The following PDE3A variants were observed in gnomAD, a reference collection of about 807,000 sequenced individuals.
The protein encoded by PDE3A is cGMP-inhibited 3',5'-cyclic phosphodiesterase 3A.
PDE3A carries 43 observed loss-of-function variants against 98.3 expected under a neutral mutation model. The ratio of observed to expected loss-of-function variants is 0.44; its 90% CI spans 0.34 to 0.56. The LOEUF is 0.56. Among genes scored for constraint, PDE3A ranks in the 20% least tolerant of loss-of-function variants. The pLI is 0.01. For missense variants in PDE3A, 1,427 were observed against 1,440.7 expected (o/e 0.99, Z 0.15); for synonymous variants, 663 against 567.9 (o/e 1.17, Z -2.38).
chr12:20,388,972 G>A (rs1048796936), intron 1 of PDE3A, among the ~76,000 whole-genome samples: 1 of 151,956 alleles, frequency 6.6e-6, no homozygotes, highest in Non-Finnish European at 1.5e-5. Flanking sequence ...ATAAATTTGA[G>A]AATATTAAAA....
chr12:20,533,076 G>A (rs1941652720), intron 1 of PDE3A, among the ~76,000 whole-genome samples: 1 of 152,166 alleles, frequency 6.6e-6, no homozygotes, highest in Non-Finnish European at 1.5e-5. Context: ...AATTATGGTA[G>A]TAATAATAAT....
chr12:20,440,974 C>T (rs1466251906), intron 1 of PDE3A, among the ~76,000 whole-genome samples: 1 of 152,198 alleles, frequency 6.6e-6, no homozygotes, highest in Non-Finnish European at 1.5e-5. Context: ...ATGAATAAAA[C>T]ATTATGTATC....
chr12:20,674,918 CTTTTTAAA>C lies in PDE3A; in HGVS notation c.3185-5105_3185-5098del, dbSNP rs377370920. Among the ~76,000 whole-genome samples, 16 of 151,848 alleles carry C rather than the reference CTTTTTAAA, an allele frequency of 1.1e-4. No homozygotes were observed. The East Asian group carries it at 3.1e-3, about 29-fold the overall frequency. ...ACTTTTGTTTCCTTGACACATTGTA[CTTTTTAAA>C]TTTTTATTTTATTTAGTTCTCTTAT... On this transcript the variant is annotated intron_variant, in intron 15 of 15. Transcript: ENST00000359062.
chr12:20,609,183 C>T (rs142751341), intron 2 of PDE3A, among the ~76,000 whole-genome samples: 20 of 152,012 alleles, frequency 1.3e-4, no homozygotes, highest in East Asian at 7.7e-4. Context: ...CAATTCTACA[C>T]GCACAAAAAT....
chr12:20,667,574 G>C (rs959671284), intron 15 of PDE3A, among the ~76,000 whole-genome samples: 1 of 152,096 alleles, frequency 6.6e-6, no homozygotes. Flanking sequence ...TCATAAATCA[G>C]TTGGCTATAA....
intron 1 of PDE3A, among the ~76,000 whole-genome samples, chr12:20,527,194 G>A (rs1946540582): frequency 6.6e-6 from 1 of 151,994 alleles, no homozygotes; most frequent in South Asian, 2.1e-4. Context: ...GAGCCACTGT[G>A]CCCGGCCGTG....
chr12:20,580,843 G>A (rs77734533), intron 2 of PDE3A, among the ~76,000 whole-genome samples: 16,689 of 152,190 alleles, frequency 0.11, 1,282 homozygotes, highest in East Asian at 0.26. Flanking sequence ...ATATGCAAGC[G>A]TTTCCTAGAA....
At chr12:20,438,926 G>A (rs1030424596) in intron 1 of PDE3A, among the ~76,000 whole-genome samples, 1 of 151,960 alleles carries the variant, frequency 6.6e-6, no homozygotes, top group Middle Eastern at 3.4e-3. Context: ...TGAGTAGCTG[G>A]GACTATAGGC....
intron 2 of PDE3A, among the ~76,000 whole-genome samples, chr12:20,587,575 A>T (rs909157179): frequency 1.3e-5 from 2 of 152,212 alleles, no homozygotes; most frequent in African/African-American, 4.8e-5. Context: ...TCAGAAAAAT[A>T]TATTTTTTAT....
At chr12:20,395,440 G>A (rs1056118875) in intron 1 of PDE3A, among the ~76,000 whole-genome samples, 2 of 148,628 alleles carry the variant, frequency 1.3e-5, no homozygotes, top group African/African-American at 5.0e-5. Context: ...ATGAAGAGCT[G>A]TAGTATTTAC....
chr12:20,625,006 C>A (rs1446850586), intron 5 of PDE3A, among the ~76,000 whole-genome samples: 1 of 152,042 alleles, frequency 6.6e-6, no homozygotes, highest in African/African-American at 2.4e-5. Context: ...GGCAATGAGG[C>A]GGAGGGAAAG....
At chr12:20,591,762 G>A (rs1943344236) in intron 2 of PDE3A, among the ~76,000 whole-genome samples, 1 of 152,190 alleles carries the variant, frequency 6.6e-6, no homozygotes, top group Non-Finnish European at 1.5e-5. Context: ...CTTATCTCAT[G>A]AGAGGCTGAT....
intron 1 of PDE3A, among the ~76,000 whole-genome samples, chr12:20,512,503 A>G (rs768558828): frequency 6.6e-5 from 10 of 152,112 alleles, no homozygotes; most frequent in Admixed American, 5.9e-4. Context: ...TGTTGCTTTC[A>G]TATCTTTCAG....
chr12:20,559,074 A>G (rs1942445567), intron 2 of PDE3A, among the ~76,000 whole-genome samples: 1 of 152,222 alleles, frequency 6.6e-6, no homozygotes, highest in Admixed American at 6.5e-5. Context: ...CATTACATAC[A>G]GTATGTGGTG....
At chr12:20,429,624 G>C (rs994693832) in intron 1 of PDE3A, among the ~76,000 whole-genome samples, 2 of 152,180 alleles carry the variant, frequency 1.3e-5, no homozygotes, top group African/African-American at 4.8e-5. Flanking sequence ...CTTTAACTTA[G>C]AAGGTAGATA....
At chr12:20,522,039 G>A (rs1293038636) in intron 1 of PDE3A, among the ~76,000 whole-genome samples, 1 of 152,120 alleles carries the variant, frequency 6.6e-6, no homozygotes, top group Non-Finnish European at 1.5e-5. Flanking sequence ...CCATGGGATG[G>A]GATGGGGTTT....
At chr12:20,489,433 T>G (rs1182061302) in intron 1 of PDE3A, among the ~76,000 whole-genome samples, 1 of 152,196 alleles carries the variant, frequency 6.6e-6, no homozygotes, top group Non-Finnish European at 1.5e-5. Flanking sequence ...ATTACCATTT[T>G]GATTTAAAAA....
chr12:20,663,997 G>T (rs1246089902), intron 15 of PDE3A, among the ~76,000 whole-genome samples: 1 of 152,044 alleles, frequency 6.6e-6, no homozygotes, highest in Non-Finnish European at 1.5e-5. Context: ...CATGGGGGTG[G>T]TTATTGTCAT....
At chr12:20,490,290 A>G (rs1171202068) in intron 1 of PDE3A, among the ~76,000 whole-genome samples, 5 of 152,158 alleles carry the variant, frequency 3.3e-5, no homozygotes, top group Non-Finnish European at 7.3e-5. Flanking sequence ...GGATATTGAA[A>G]TTTCCTTTAC....
Sources: gnomAD v4.1 joint callset for allele counts (sites outside exome capture counted in the v4.1 genomes callset) on GRCh38, gnomAD v4.1.1 for gene constraint, MANE v1.5 for transcripts, NCBI Gene and HGNC (gene_info 2026-07-23, HGNC 2026-07-21) for gene names.